The following FOXJ3 variants were observed in gnomAD, a reference collection of about 807,000 sequenced individuals.
FOXJ3 encodes the protein forkhead box J3.
A neutral mutation model predicts 76.1 loss-of-function variants in FOXJ3; 22 were observed. The observed-to-expected ratio is 0.29, with a 90% confidence interval of 0.21 to 0.41. The LOEUF (loss-of-function observed/expected upper bound fraction) is 0.41. FOXJ3 is among the 10% of genes least tolerant of loss of function. The pLI, the probability that FOXJ3 is intolerant of heterozygous loss-of-function variation, is 1.00. For missense variants in FOXJ3, 613 were observed against 762.1 expected (o/e 0.80, Z 2.30); for synonymous variants, 269 against 261.2 (o/e 1.03, Z -0.29).
chr1:42,272,997 T>C (rs1355209350), intron 3 of FOXJ3, among the ~76,000 whole-genome samples: 1 of 152,222 alleles, frequency 6.6e-6, no homozygotes, highest in African/African-American at 2.4e-5. Flanking sequence ...AATGGTTATC[T>C]AATGATTCCC....
intron 1 of FOXJ3, 85 bp from the exon 2 acceptor site, chr1:42,311,195 C>A: frequency 2.4e-6 from 2 of 846,646 alleles, no homozygotes; most frequent in South Asian, 3.4e-5. Context: ...TTAAAACACT[C>A]TGAAAACAGA....
At position 42,191,284 on chromosome 1, in the gene FOXJ3, C is replaced by T. The variant is rs1358732801; in HGVS notation, c.1351+19G>A. The T allele has an allele frequency of 6.6e-7, 1 of 1,524,316 alleles. No homozygotes were observed. Among genetic ancestry groups the T allele is most frequent in the African/African-American group, 1.4e-5 (1 of 72,176 alleles). 94.4% of individuals were successfully genotyped at this position (1,524,316 alleles called of 1,614,324 possible). ...TAATTCACAGTTAGCCAAACACAAA[C>T]CAGGAGACAAAAACTTACCAGAATT... On this transcript the variant is annotated intron_variant, in intron 9 of 12. Coordinates refer to ENST00000361346, the MANE Select transcript of FOXJ3 (RefSeq NM_014947.5).
At chr1:42,320,830 G>C (rs548688202) in intron 1 of FOXJ3, among the ~76,000 whole-genome samples, 8 of 152,206 alleles carry the variant, frequency 5.3e-5, no homozygotes, top group African/African-American at 1.7e-4. Context: ...AGGCTGTGAG[G>C]CTTTAAATTT....
At chr1:42,308,754 T>C (rs2124751687) in intron 2 of FOXJ3, among the ~76,000 whole-genome samples, 1 of 152,190 alleles carries the variant, frequency 6.6e-6, no homozygotes, top group East Asian at 1.9e-4. Flanking sequence ...ACACAATGAG[T>C]AAATTATAAC....
At chr1:42,210,160 GCATCAGAGGCAGCTGTGCTC>G (rs950114340) in intron 5 of FOXJ3, among the ~76,000 whole-genome samples, 16 of 152,284 alleles carry the variant, frequency 1.1e-4, no homozygotes, top group Middle Eastern at 3.4e-3. Context: ...ATTATTTTAT[GCATCAGAGGCAGCTGTGCTC>G]CACCCTGTAA....
rs574137214 is a variant in FOXJ3 at position 42,225,388 on chromosome 1, A to G, written c.528+2495T>C. On this transcript the variant is annotated intron_variant, in intron 5 of 12. Coordinates refer to ENST00000361346, the MANE Select transcript of FOXJ3 (RefSeq NM_014947.5). ...AAATATAAACTCTGTCCTAACAAAA[A>G]TACTATATATTATATAACCTCTCAC... Among the ~76,000 whole-genome samples the G allele has an allele frequency of 3.9e-5, 6 of 152,328 alleles. No individual in the cohort carries two copies. In the East Asian group the frequency reaches 1.2e-3, roughly 29 times the overall value.
chr1:42,207,232 T>C (rs1323630063), intron 5 of FOXJ3, among the ~76,000 whole-genome samples: 2 of 152,212 alleles, frequency 1.3e-5, no homozygotes, highest in Non-Finnish European at 2.9e-5. Flanking sequence ...ATCTACTTTC[T>C]ATCTTCATGT....
At chr1:42,274,884 G>A (rs1217280987) in intron 3 of FOXJ3, among the ~76,000 whole-genome samples, 27 of 151,658 alleles carry the variant, frequency 1.8e-4, no homozygotes, top group South Asian at 4.2e-4. Context: ...AAAAAAAGGC[G>A]GCGGGGGGGC....
At chr1:42,216,841 C>T (rs1647079503) in intron 5 of FOXJ3, among the ~76,000 whole-genome samples, 2 of 152,012 alleles carry the variant, frequency 1.3e-5, no homozygotes, top group African/African-American at 4.8e-5. Context: ...CCAAAATAAT[C>T]TAAAAGAAGG....
intron 2 of FOXJ3, among the ~76,000 whole-genome samples, chr1:42,296,122 T>C (rs1464327183): frequency 6.6e-6 from 1 of 152,212 alleles, no homozygotes; most frequent in African/African-American, 2.4e-5. Flanking sequence ...TTTTTTCAAG[T>C]GTTTGTTGGC....
chr1:42,329,729 A>G (rs1389648784), intron 1 of FOXJ3, among the ~76,000 whole-genome samples: 2 of 152,240 alleles, frequency 1.3e-5, no homozygotes, highest in African/African-American at 4.8e-5. Context: ...TGTCTAAACA[A>G]TATGTATCTT....
At chr1:42,197,012 C>T (rs546396519) in intron 7 of FOXJ3, among the ~76,000 whole-genome samples, 64 of 152,162 alleles carry the variant, frequency 4.2e-4, no homozygotes, top group Middle Eastern at 3.4e-3. Flanking sequence ...ATCTTGATCA[C>T]GGGTAAGTAA....
At chr1:42,252,728 A>G (rs1394716999) in intron 4 of FOXJ3, among the ~76,000 whole-genome samples, 2 of 151,388 alleles carry the variant, frequency 1.3e-5, no homozygotes, top group Admixed American at 6.6e-5. Context: ...TAGGGTGTCA[A>G]TTTTGGATCT....
At chr1:42,198,535 T>G (rs766157063) in intron 7 of FOXJ3, among the ~76,000 whole-genome samples, 14 of 152,156 alleles carry the variant, frequency 9.2e-5, no homozygotes, top group Admixed American at 4.6e-4. Context: ...TGAAAAGAAA[T>G]AACAGATAAC....
intron 3 of FOXJ3, among the ~76,000 whole-genome samples, chr1:42,277,152 T>A (rs199679229): frequency 1.3e-5 from 2 of 152,030 alleles, no homozygotes; most frequent in Non-Finnish European, 2.9e-5. Context: ...AAATATTTTT[T>A]AAAAGTCTTG....
intron 5 of FOXJ3, among the ~76,000 whole-genome samples, chr1:42,221,996 AGGG>A (rs1557648862): frequency 2.2e-4 from 1 of 4,604 alleles, no homozygotes; most frequent in African/African-American, 8.1e-4. Context: ...GGGGAGGGGG[AGGG>A]GGAGGAGGAG....
chr1:42,292,038 A>AGG, intron 2 of FOXJ3, among the ~76,000 whole-genome samples: 1 of 151,630 alleles, frequency 6.6e-6, no homozygotes, highest in East Asian at 1.9e-4. Flanking sequence ...GACCCTGAGG[A>AGG]GGGGGGTGCA....
At chr1:42,320,152 C>T (rs149937350) in intron 1 of FOXJ3, among the ~76,000 whole-genome samples, 10 of 152,234 alleles carry the variant, frequency 6.6e-5, no homozygotes, top group East Asian at 1.9e-4. Flanking sequence ...AGGAAATATA[C>T]GTAACTGCCT....
intron 5 of FOXJ3, among the ~76,000 whole-genome samples, chr1:42,213,638 T>C (rs1647010885): frequency 6.6e-6 from 1 of 152,144 alleles, no homozygotes; most frequent in African/African-American, 2.4e-5. Flanking sequence ...AATGGAATAT[T>C]ATTCAGTCTT....
Sources: allele counts gnomAD v4.1 joint callset (sites outside exome capture counted in the v4.1 genomes callset), GRCh38; gene constraint gnomAD v4.1.1; transcripts MANE v1.5; gene names NCBI Gene and HGNC (gene_info 2026-07-23, HGNC 2026-07-21).